Variants in DDR2 observed in about 807,000 individuals in gnomAD.
DDR2 encodes the protein discoidin domain receptor tyrosine kinase 2.
Under a neutral mutation model 94.9 loss-of-function variants are expected in DDR2, and 27 were observed. The observed-to-expected ratio is 0.28, with a 90% CI of 0.21 to 0.39. The LOEUF is 0.39. Among genes scored for constraint, DDR2 ranks in the 10% least tolerant of loss-of-function variants. The pLI is 1.00. For synonymous variants in DDR2, 382 were observed against 377.2 expected (o/e 1.01, Z -0.15); for missense variants, 783 against 1,076.0 (o/e 0.73, Z 3.81).
At chr1:162,713,769 T>A (rs1025798122) in intron 2 of DDR2, among the ~76,000 whole-genome samples, 8 of 152,206 alleles carry the variant, frequency 5.3e-5, no homozygotes, top group Admixed American at 1.3e-4. Flanking sequence ...TTTCTAAGTT[T>A]TTGTTGTTAA....
intron 3 of DDR2, among the ~76,000 whole-genome samples, chr1:162,727,485 TATATC>T (rs983304992): frequency 2.7e-4 from 39 of 145,796 alleles, no homozygotes; most frequent in African/African-American, 8.7e-4. Context: ...GTTATATAGA[TATATC>T]TATCTATATA....
intron 3 of DDR2, among the ~76,000 whole-genome samples, chr1:162,729,305 T>TTG (rs1558050728): frequency 9.7e-6 from 1 of 103,104 alleles, no homozygotes; most frequent in African/African-American, 4.0e-5. Context: ...TATATATTTT[T>TTG]TTTTTTTTTT....
At chr1:162,639,803 A>G (rs557159298) in intron 1 of DDR2, among the ~76,000 whole-genome samples, 1 of 152,340 alleles carries the variant, frequency 6.6e-6, no homozygotes, top group South Asian at 2.1e-4. Flanking sequence ...TTCAGTAGAA[A>G]TAGTACTTCG....
chr1:162,654,731 A>C (rs1657873206), intron 1 of DDR2, among the ~76,000 whole-genome samples: 1 of 152,118 alleles, frequency 6.6e-6, no homozygotes, highest in Admixed American at 6.5e-5. Context: ...TTTTATTCTC[A>C]TTCTCTCACG....
chr1:162,709,410 G>C (rs963217207), intron 2 of DDR2, among the ~76,000 whole-genome samples: 1 of 152,218 alleles, frequency 6.6e-6, no homozygotes, highest in Non-Finnish European at 1.5e-5. Flanking sequence ...GGAATACCAG[G>C]GGCCTGGCCT....
intron 3 of DDR2, among the ~76,000 whole-genome samples, chr1:162,729,300 A>ATATATATATATT (rs1416872679): frequency 4.3e-5 from 4 of 94,016 alleles, no homozygotes; most frequent in African/African-American, 2.1e-4. Flanking sequence ...ATATATATAT[A>ATATATATATATT]TTTTTTTTTT....
chr1:162,687,677 T>A (rs1659749811), intron 2 of DDR2, among the ~76,000 whole-genome samples: 1 of 151,796 alleles, frequency 6.6e-6, no homozygotes, highest in South Asian at 2.1e-4. Flanking sequence ...AGATTTCCGG[T>A]GGGGATGGAG....
chr1:162,714,467 G>T (rs1160653740), intron 2 of DDR2, among the ~76,000 whole-genome samples: 1 of 151,810 alleles, frequency 6.6e-6, no homozygotes, highest in Non-Finnish European at 1.5e-5. Flanking sequence ...TTTTGAAAAG[G>T]CTACTAAAGC....
chr1:162,635,654 A>C (rs1557995944), intron 1 of DDR2, among the ~76,000 whole-genome samples: 2 of 152,228 alleles, frequency 1.3e-5, no homozygotes, highest in Admixed American at 6.5e-5. Flanking sequence ...AAATGTGTCC[A>C]GCATCCCCAG....
rs771898787 is a variant in DDR2, at chr1:162,780,238, G to A, written c.2560G>A (p.Asp854Asn). Residue 854 changes from aspartate to asparagine, a missense_variant, in exon 18 of 18, where the codon GAC (aspartate) becomes AAC (asparagine). Around this residue, in one of 2 missense-constraint regions of DDR2, gnomAD observed 264 missense variants for 428.2 expected, o/e 0.62. Coordinates refer to ENST00000367921, the MANE Select transcript of DDR2 (RefSeq NM_006182.4). ...CCACCTTCTGCTCCTTCAACAAGGC[G>A]ACGAGTGATGCTGTCAGTGCCTGGC... is the stretch of plus-strand genomic sequence containing the variant. The part of the protein sequence containing the change: ...EIHLLLLQQG[D>N]E 1.4e-5 allele frequency: 22 copies of A among 1,613,668 alleles called. No homozygotes were observed. Among genetic ancestry groups the A allele is most frequent in the East Asian group, 1.3e-4 (6 of 44,870 alleles).
At chr1:162,672,463 C>G (rs530561390) in intron 2 of DDR2, among the ~76,000 whole-genome samples, 1 of 152,266 alleles carries the variant, frequency 6.6e-6, no homozygotes, top group South Asian at 2.1e-4. Flanking sequence ...GTGCCTGGAT[C>G]TACACAAACT....
chr1:162,741,185 A>AAT (rs1662570430), intron 3 of DDR2, among the ~76,000 whole-genome samples: 1 of 134,454 alleles, frequency 7.4e-6, no homozygotes, highest in African/African-American at 2.8e-5. Context: ...AATATAATAT[A>AAT]ACATAACATA....
At chr1:162,697,986 A>T (rs192256783) in intron 2 of DDR2, among the ~76,000 whole-genome samples, 1 of 152,208 alleles carries the variant, frequency 6.6e-6, no homozygotes, top group African/African-American at 2.4e-5. Context: ...AACCCTAAAA[A>T]TCTATAGCTA....
chr1:162,684,338 A>G (rs1659554908), intron 2 of DDR2, among the ~76,000 whole-genome samples: 1 of 152,216 alleles, frequency 6.6e-6, no homozygotes, highest in Non-Finnish European at 1.5e-5. Context: ...AAGGAATTCT[A>G]CAAACCAAAA....
At chr1:162,731,911 C>T (rs1662070278) in intron 3 of DDR2, among the ~76,000 whole-genome samples, 1 of 152,182 alleles carries the variant, frequency 6.6e-6, no homozygotes, top group African/African-American at 2.4e-5. Flanking sequence ...CCTCAGTTTT[C>T]TTCTTCACTC....
chr1:162,683,018 A>G (rs1297890229), intron 2 of DDR2, among the ~76,000 whole-genome samples: 1 of 152,226 alleles, frequency 6.6e-6, no homozygotes, highest in Non-Finnish European at 1.5e-5. Flanking sequence ...GAATACAACC[A>G]TGTACAAAAA....
intron 3 of DDR2, among the ~76,000 whole-genome samples, chr1:162,720,414 A>G (rs2102033646): frequency 6.6e-6 from 1 of 152,282 alleles, no homozygotes; most frequent in Non-Finnish European, 1.5e-5. Context: ...TAGATGATGC[A>G]TAAATACTCT....
chr1:162,746,264 C>T (rs1284191690), intron 3 of DDR2, among the ~76,000 whole-genome samples: 1 of 152,184 alleles, frequency 6.6e-6, no homozygotes, highest in East Asian at 1.9e-4. Context: ...CGGGACACTC[C>T]CAGCCTAATA....
intron 2 of DDR2, among the ~76,000 whole-genome samples, chr1:162,699,813 T>C (rs1168484104): frequency 6.6e-6 from 1 of 152,210 alleles, no homozygotes; most frequent in African/African-American, 2.4e-5. Flanking sequence ...GATATAAAAA[T>C]AAGATGCAAA....
Sources: allele counts gnomAD v4.1 joint callset (sites outside exome capture counted in the v4.1 genomes callset), GRCh38; gene constraint gnomAD v4.1.1; regional missense constraint gnomAD v4.1.1; transcripts MANE v1.5; gene names NCBI Gene and HGNC (gene_info 2026-07-23, HGNC 2026-07-21).